The following GRIK2 variants were observed in gnomAD, a reference collection of about 807,000 sequenced individuals.
GRIK2 encodes the protein glutamate receptor ionotropic, kainate 2.
A neutral mutation model predicts 100.3 loss-of-function variants in GRIK2; 32 were observed. The observed-to-expected ratio is 0.32, with a 90% CI of 0.24 to 0.43. The LOEUF is 0.43. Ranked by LOEUF, GRIK2 falls within the 20% of genes least tolerant of loss-of-function variation. The pLI is 1.00. For missense variants in GRIK2, 843 were observed against 1,114.9 expected, an observed-to-expected ratio of 0.76 and a Z score of 3.47; for synonymous variants, 417 against 389.4, an observed-to-expected ratio of 1.07 and a Z score of -0.83.
chr6:101,801,236 A>G (rs1780649071), intron 8 of GRIK2, among the ~76,000 whole-genome samples: 1 of 151,910 alleles, frequency 6.6e-6, no homozygotes, highest in African/African-American at 2.4e-5. Flanking sequence ...GTTTACTTTT[A>G]TACTATTGTC....
intron 2 of GRIK2, among the ~76,000 whole-genome samples, chr6:101,608,830 T>C (rs920602680): frequency 2.0e-5 from 3 of 150,282 alleles, no homozygotes; most frequent in Admixed American, 1.3e-4. Flanking sequence ...TGTATGTGTG[T>C]GTGTGTCTCA....
At chr6:101,518,291 G>T (rs1367375111) in intron 2 of GRIK2, among the ~76,000 whole-genome samples, 2 of 152,022 alleles carry the variant, frequency 1.3e-5, no homozygotes, top group Non-Finnish European at 2.9e-5. Context: ...TGTGATAAAA[G>T]CAAAAAGTAC....
At chr6:101,425,472 A>T (rs1776654477) in intron 2 of GRIK2, among the ~76,000 whole-genome samples, 1 of 152,204 alleles carries the variant, frequency 6.6e-6, no homozygotes, top group Admixed American at 6.6e-5. Flanking sequence ...ATCACTCACA[A>T]GAGCAACTTC....
At chr6:101,888,365 G>T (rs2051445) in intron 11 of GRIK2, among the ~76,000 whole-genome samples, 10,004 of 152,186 alleles carry the variant, frequency 0.066, 806 homozygotes, top group African/African-American at 0.2. Context: ...GTTTTATGGG[G>T]AATGTGACAA....
At chr6:101,807,293 A>T (rs1781065381) in intron 9 of GRIK2, among the ~76,000 whole-genome samples, 1 of 151,962 alleles carries the variant, frequency 6.6e-6, no homozygotes, top group Non-Finnish European at 1.5e-5. Flanking sequence ...AATTGTAAGG[A>T]TCCACATTGC....
chr6:101,668,586 T>C (rs1770203131), intron 4 of GRIK2, among the ~76,000 whole-genome samples: 2 of 152,060 alleles, frequency 1.3e-5, no homozygotes, highest in South Asian at 4.1e-4. Context: ...AAAAAGATGA[T>C]GATGAAACAT....
At chr6:101,763,933 A>T (rs1383022931) in intron 7 of GRIK2, among the ~76,000 whole-genome samples, 1 of 152,126 alleles carries the variant, frequency 6.6e-6, no homozygotes, top group African/African-American at 2.4e-5. Flanking sequence ...TAAGTCTAAG[A>T]ACAAAAACCA....
intron 10 of GRIK2, among the ~76,000 whole-genome samples, chr6:101,856,725 G>C (rs1784444166): frequency 6.6e-6 from 1 of 152,054 alleles, no homozygotes; most frequent in Non-Finnish European, 1.5e-5. Flanking sequence ...CACAGGCGTG[G>C]GTGTGATTAA....
chr6:101,466,334 AAG>A (rs1342600651), intron 2 of GRIK2, among the ~76,000 whole-genome samples: 11 of 151,198 alleles, frequency 7.3e-5, no homozygotes, highest in Admixed American at 3.3e-4. Flanking sequence ...TATAAATAAA[AAG>A]CTAATATGTA....
Position 101,894,272 on chromosome 6 carries a change from C to T in GRIK2, c.1748+4409C>T, listed in dbSNP as rs141601351. On this transcript the variant is annotated intron_variant, in intron 12 of 16. Transcript: ENST00000369134. ...ATGTTTTAAATATATTTAACCAATACTGAGAAGGAGATGTATGGTGTTGGT... is the reference window on the plus strand; with the variant it reads ...ATGTTTTAAATATATTTAACCAATATTGAGAAGGAGATGTATGGTGTTGGT... Among the ~76,000 whole-genome samples, 1,207 of 151,614 alleles carry T rather than the reference C, an allele frequency of 8.0e-3. 22 individuals carry two copies. Among genetic ancestry groups the T allele is most frequent in the African/African-American group, 0.028 (1,142 of 41,466 alleles).
At chr6:101,672,748 CTCTG>C (rs772703641) in intron 4 of GRIK2, among the ~76,000 whole-genome samples, 8 of 152,078 alleles carry the variant, frequency 5.3e-5, no homozygotes, top group Non-Finnish European at 1.0e-4. Flanking sequence ...TGAACTCCAG[CTCTG>C]TCTGTGTTGT....
intron 2 of GRIK2, among the ~76,000 whole-genome samples, chr6:101,535,769 G>T (rs1299735431): frequency 2.0e-5 from 3 of 151,408 alleles, no homozygotes; most frequent in African/African-American, 7.3e-5. Context: ...TTTTCATTAT[G>T]TTGACATATT....
At chr6:101,662,753 C>G (rs1769720989) in intron 4 of GRIK2, among the ~76,000 whole-genome samples, 2 of 152,160 alleles carry the variant, frequency 1.3e-5, no homozygotes, top group South Asian at 4.1e-4. Flanking sequence ...GAGATTCTCA[C>G]ATTATTGTAC....
intron 7 of GRIK2, among the ~76,000 whole-genome samples, chr6:101,723,735 A>G (rs1217320445): frequency 6.6e-6 from 1 of 152,032 alleles, no homozygotes; most frequent in Non-Finnish European, 1.5e-5. Flanking sequence ...CATCTATATA[A>G]TAAAGACTAA....
chr6:102,065,394 G>C (rs930822603), intron 16 of GRIK2, among the ~76,000 whole-genome samples: 4 of 151,074 alleles, frequency 2.6e-5, no homozygotes. Flanking sequence ...GTTCTTATTT[G>C]TAGTCTGAAG....
rs1262362679 is a variant in GRIK2 at position 102,069,337 on chromosome 6, T to TAAA, written c.*828_*830dup. The TAAA allele has an allele frequency of 7.1e-6, 1 of 141,494 alleles. No homozygotes were observed. The highest frequency in any genetic ancestry group is 1.5e-5 in the Non-Finnish European group (1 of 66,192). 8.8% of individuals were successfully genotyped at this position (141,494 alleles called of 1,614,324 possible). ...ATAATAATAATAATAATAATAATAA[T>TAAA]AAAAGCAGTTGGTTCAGTGATTCTG... On this transcript the variant is annotated 3_prime_UTR_variant, in exon 17 of 17. Transcript: ENST00000369134.
chr6:101,862,239 A>G (rs1305264460), intron 11 of GRIK2, among the ~76,000 whole-genome samples: 8 of 152,066 alleles, frequency 5.3e-5, no homozygotes, highest in Non-Finnish European at 1.2e-4. Context: ...ATAGGAAAAA[A>G]AGTCTCTCCT....
At chr6:101,677,336 T>C (rs1770915935) in intron 5 of GRIK2, among the ~76,000 whole-genome samples, 1 of 152,068 alleles carries the variant, frequency 6.6e-6, no homozygotes, top group South Asian at 2.1e-4. Context: ...AGCAAGAACA[T>C]AGCAGAGGGA....
At chr6:101,775,270 C>T (rs1450774539) in intron 7 of GRIK2, among the ~76,000 whole-genome samples, 1 of 152,092 alleles carries the variant, frequency 6.6e-6, no homozygotes, top group Non-Finnish European at 1.5e-5. Context: ...GAGACATAGA[C>T]ATTTATTCAA....
Sources: gnomAD v4.1 joint callset for allele counts (sites outside exome capture counted in the v4.1 genomes callset) on GRCh38, gnomAD v4.1.1 for gene constraint, MANE v1.5 for transcripts, NCBI Gene and HGNC (gene_info 2026-07-23, HGNC 2026-07-21) for gene names.